The following HECW2 variants were observed in gnomAD, a reference collection of about 807,000 sequenced individuals.
HECW2 encodes E3 ubiquitin-protein ligase HECW2.
A neutral mutation model predicts 175.2 loss-of-function variants in HECW2; 61 were observed. The ratio of observed to expected loss-of-function variants is 0.35; its 90% CI spans 0.28 to 0.43. The LOEUF (loss-of-function observed/expected upper bound fraction) is 0.43, where lower values mean the gene tolerates loss of function less well. HECW2 is among the 20% of genes least tolerant of loss of function. The pLI is 1.00. For missense variants in HECW2, 1,524 were observed against 2,000.5 expected, an observed-to-expected ratio of 0.76 and a Z score of 4.54; for synonymous variants, 671 against 731.0, an observed-to-expected ratio of 0.92 and a Z score of 1.32.
chr2:196,210,679 T>A (rs143994469), intron 28 of HECW2, among the ~76,000 whole-genome samples: 2,203 of 152,166 alleles, frequency 0.014, 54 homozygotes, highest in African/African-American at 0.05. Context: ...AGTGGCATGA[T>A]CTTGGCTCAC....
At chr2:196,401,162 T>C (rs1234619541) in intron 2 of HECW2, among the ~76,000 whole-genome samples, 1 of 152,210 alleles carries the variant, frequency 6.6e-6, no homozygotes, top group African/African-American at 2.4e-5. Flanking sequence ...AATGTAAGTG[T>C]AGGGATGTTT....
At chr2:196,492,591 G>A (rs1687239516) in intron 1 of HECW2, among the ~76,000 whole-genome samples, 1 of 152,210 alleles carries the variant, frequency 6.6e-6, no homozygotes, top group South Asian at 2.1e-4. Flanking sequence ...TGGGGGAAAG[G>A]GGCGGGAGTG....
chr2:196,592,189 C>G (rs1311069522), intron 1 of HECW2, among the ~76,000 whole-genome samples: 6 of 152,148 alleles, frequency 3.9e-5, no homozygotes, highest in Non-Finnish European at 8.8e-5. Context: ...GAGTCTAGGA[C>G]AGTGAAAGCA....
rs537903189 is a variant in HECW2, at chr2:196,369,132, G to A, written c.293-25368C>T. On this transcript the variant is annotated intron_variant, in intron 2 of 28. Coordinates refer to ENST00000644978, the MANE Select transcript of HECW2 (RefSeq NM_001348768.2). ...CCTGTCTTTCTTTGAAGGTATTCCAGATATTTAAGGGACTTTGGTGTTGTG... is the reference window on the plus strand; with the variant it reads ...CCTGTCTTTCTTTGAAGGTATTCCAAATATTTAAGGGACTTTGGTGTTGTG... 5.3e-5 allele frequency among the ~76,000 whole-genome samples: 8 copies of A among 152,200 alleles called. No individual in the cohort carries two copies. The South Asian group carries it at 1.7e-3, about 32-fold the overall frequency.
intron 2 of HECW2, among the ~76,000 whole-genome samples, chr2:196,392,468 G>A (rs900075810): frequency 3.3e-5 from 5 of 150,564 alleles, no homozygotes; most frequent in Admixed American, 2.0e-4. Flanking sequence ...TTAAGGAAGT[G>A]TGGTACATTA....
At chr2:196,286,234 A>G (rs1161567526) in intron 14 of HECW2, among the ~76,000 whole-genome samples, 1 of 152,136 alleles carries the variant, frequency 6.6e-6, no homozygotes, top group African/African-American at 2.4e-5. Flanking sequence ...TCCACCTGCC[A>G]CAGAGAGCTG....
At chr2:196,216,043 G>A (rs1193253184) in intron 27 of HECW2, 66 bp from the exon 28 acceptor site, 8 of 1,078,002 alleles carry the variant, frequency 7.4e-6, no homozygotes, top group South Asian at 3.8e-5. Context: ...AAGGCATCAC[G>A]TCATTCACGG....
chr2:196,374,178 G>C (rs921736798), intron 2 of HECW2, among the ~76,000 whole-genome samples: 2 of 152,126 alleles, frequency 1.3e-5, no homozygotes, highest in African/African-American at 4.8e-5. Context: ...TTGTGGTACA[G>C]TCATATTATA....
At chr2:196,304,409 ACT>A (rs1185279214) in intron 13 of HECW2, among the ~76,000 whole-genome samples, 2 of 151,906 alleles carry the variant, frequency 1.3e-5, no homozygotes, top group Non-Finnish European at 2.9e-5. Flanking sequence ...TCCCCAAGTA[ACT>A]CTATCCCAGT....
At chr2:196,480,815 G>A (rs200914433) in intron 1 of HECW2, among the ~76,000 whole-genome samples, 1 of 152,286 alleles carries the variant, frequency 6.6e-6, no homozygotes, top group East Asian at 1.9e-4. Flanking sequence ...CTACTGGCTA[G>A]TTAAGCAGAA....
intron 2 of HECW2, among the ~76,000 whole-genome samples, chr2:196,367,452 T>C (rs1322176445): frequency 1.3e-5 from 2 of 152,184 alleles, no homozygotes; most frequent in Non-Finnish European, 2.9e-5. Flanking sequence ...AAATGAAGTA[T>C]TCATCACCTC....
intron 1 of HECW2, among the ~76,000 whole-genome samples, chr2:196,440,873 G>A (rs1244107517): frequency 6.6e-6 from 1 of 151,952 alleles, no homozygotes; most frequent in Non-Finnish European, 1.5e-5. Flanking sequence ...CATTCCCAGT[G>A]GGCACAATTT....
intron 2 of HECW2, among the ~76,000 whole-genome samples, chr2:196,423,488 T>C (rs1156675007): frequency 6.6e-6 from 1 of 152,086 alleles, no homozygotes; most frequent in African/African-American, 2.4e-5. Context: ...AGTTATTCCT[T>C]AACAGTTAAT....
chr2:196,219,352 TC>T (rs1398370571), intron 26 of HECW2, among the ~76,000 whole-genome samples: 1 of 152,244 alleles, frequency 6.6e-6, no homozygotes, highest in Non-Finnish European at 1.5e-5. Context: ...TACCACCAGG[TC>T]CCTTGCAAAG....
intron 1 of HECW2, among the ~76,000 whole-genome samples, chr2:196,523,097 T>C (rs1688474644): frequency 6.6e-6 from 1 of 152,054 alleles, no homozygotes; most frequent in Non-Finnish European, 1.5e-5. Context: ...ATATTGATTC[T>C]TCCTACCCAT....
intron 1 of HECW2, among the ~76,000 whole-genome samples, chr2:196,448,464 G>A (rs549423733): frequency 1.3e-5 from 2 of 152,244 alleles, no homozygotes; most frequent in South Asian, 4.2e-4. Flanking sequence ...GGTTACAACT[G>A]GGTTATGAAA....
intron 2 of HECW2, among the ~76,000 whole-genome samples, chr2:196,354,883 A>G (rs1693307003): frequency 6.6e-6 from 1 of 152,148 alleles, no homozygotes; most frequent in Non-Finnish European, 1.5e-5. Flanking sequence ...AGGCTTACCT[A>G]AGATCACATA....
At chr2:196,385,167 C>T (rs933579838) in intron 2 of HECW2, among the ~76,000 whole-genome samples, 2 of 152,098 alleles carry the variant, frequency 1.3e-5, no homozygotes, top group Admixed American at 6.6e-5. Flanking sequence ...CTGCCTTAGC[C>T]TCCCAAAGTG....
At chr2:196,364,551 G>A (rs1447963634) in intron 2 of HECW2, among the ~76,000 whole-genome samples, 1 of 152,106 alleles carries the variant, frequency 6.6e-6, no homozygotes, top group Non-Finnish European at 1.5e-5. Context: ...CCCCTTTGTG[G>A]GGAAAGTCCA....
Sources: gnomAD v4.1 joint callset for allele counts (sites outside exome capture counted in the v4.1 genomes callset) on GRCh38, gnomAD v4.1.1 for gene constraint, MANE v1.5 for transcripts, NCBI Gene and HGNC (gene_info 2026-07-23, HGNC 2026-07-21) for gene names.